Variants in BNC2 observed in about 807,000 individuals in gnomAD.
The protein encoded by BNC2 is zinc finger protein basonuclin-2.
A neutral mutation model predicts 76.3 loss-of-function variants in BNC2; 20 were observed. The observed-to-expected ratio is 0.26, with a 90% CI of 0.18 to 0.38. The LOEUF is 0.38. BNC2 is among the 10% of genes least tolerant of loss of function. The pLI is 1.00. For missense variants in BNC2, 1,382 were observed against 1,399.8 expected, an observed-to-expected ratio of 0.99 and a Z score of 0.20; for synonymous variants, 582 against 514.8, an observed-to-expected ratio of 1.13 and a Z score of -1.77.
intron 3 of BNC2, among the ~76,000 whole-genome samples, chr9:16,700,483 C>T (rs964379155): frequency 2.6e-5 from 4 of 152,116 alleles, no homozygotes; most frequent in Non-Finnish European, 4.4e-5. Flanking sequence ...TGCACTCCAT[C>T]CCAAGCAACA....
intron 1 of BNC2, among the ~76,000 whole-genome samples, chr9:16,781,566 C>T (rs1175657100): frequency 6.6e-6 from 1 of 152,180 alleles, no homozygotes; most frequent in African/African-American, 2.4e-5. Flanking sequence ...TGGTCGCGAA[C>T]TCCTAAGCTC....
rs760018058 is a variant in BNC2, at chr9:16,713,063, C to T, written c.330+14734G>A. Reference sequence around the variant, plus strand: ...GTAAGATCAGGCTGAGCAGGCCCATCGTCCTCCCCATGGAGCATTCCATGG... The same window carrying T: ...GTAAGATCAGGCTGAGCAGGCCCATTGTCCTCCCCATGGAGCATTCCATGG... On this transcript the variant is annotated intron_variant, in intron 3 of 6. Coordinates refer to ENST00000380672, the MANE Select transcript of BNC2 (RefSeq NM_017637.6). Among the ~76,000 whole-genome samples the T allele has an allele frequency of 4.6e-5, 7 of 152,200 alleles. No homozygotes were observed. In the South Asian group the frequency reaches 6.2e-4, roughly 14 times the overall value.
At chr9:16,774,190 C>G (rs1825902862) in intron 1 of BNC2, among the ~76,000 whole-genome samples, 1 of 152,144 alleles carries the variant, frequency 6.6e-6, no homozygotes, top group Admixed American at 6.5e-5. Context: ...CCATATTGGC[C>G]AGGCTGGTCT....
At chr9:16,640,427 T>TA (rs1433905532) in intron 3 of BNC2, among the ~76,000 whole-genome samples, 4 of 152,198 alleles carry the variant, frequency 2.6e-5, no homozygotes, top group Non-Finnish European at 5.9e-5. Flanking sequence ...ACATGAGGGA[T>TA]AAAATCCTTT....
intron 1 of BNC2, among the ~76,000 whole-genome samples, chr9:16,768,488 T>G (rs1825752874): frequency 6.6e-6 from 1 of 151,514 alleles, no homozygotes; most frequent in African/African-American, 2.4e-5. Context: ...AAATGCAGAG[T>G]TGGGGAGATG....
At chr9:16,803,551 T>C (rs1462276247) in intron 1 of BNC2, among the ~76,000 whole-genome samples, 2 of 152,154 alleles carry the variant, frequency 1.3e-5, no homozygotes, top group East Asian at 3.9e-4. Context: ...GAATTTGCAA[T>C]GAAGGGAAGG....
chr9:16,604,913 G>A (rs1198233153), intron 3 of BNC2, among the ~76,000 whole-genome samples: 1 of 152,084 alleles, frequency 6.6e-6, no homozygotes, highest in East Asian at 1.9e-4. Context: ...AATACTTGTG[G>A]GTGTCAGTCT....
intron 4 of BNC2, among the ~76,000 whole-genome samples, chr9:16,577,158 A>G (rs1452057848): frequency 6.6e-6 from 1 of 152,200 alleles, no homozygotes; most frequent in Non-Finnish European, 1.5e-5. Flanking sequence ...ATAAACATAA[A>G]GGACTCTCAC....
At chr9:16,498,296 C>T (rs1206202352) in intron 5 of BNC2, among the ~76,000 whole-genome samples, 1 of 102,186 alleles carries the variant, frequency 9.8e-6, no homozygotes, top group South Asian at 3.6e-4. Context: ...TATATTCCAT[C>T]ATATATATAT....
intron 1 of BNC2, among the ~76,000 whole-genome samples, chr9:16,814,031 T>C (rs930762897): frequency 3.3e-5 from 5 of 152,194 alleles, no homozygotes; most frequent in African/African-American, 4.8e-5. Flanking sequence ...GTCCTGATTA[T>C]GCAATATATG....
chr9:16,425,422 G>A (rs898133879), intron 6 of BNC2, among the ~76,000 whole-genome samples: 7 of 152,226 alleles, frequency 4.6e-5, no homozygotes, highest in Admixed American at 2.0e-4. Context: ...TCCCCGTATG[G>A]CCCCTAATGT....
At chr9:16,799,368 G>A (rs536029655) in intron 1 of BNC2, among the ~76,000 whole-genome samples, 1 of 151,944 alleles carries the variant, frequency 6.6e-6, no homozygotes, top group African/African-American at 2.4e-5. Context: ...AAACTGGAGT[G>A]CAGTGGCAGG....
chr9:16,512,102 C>T (rs1330643489), intron 5 of BNC2, among the ~76,000 whole-genome samples: 1 of 152,156 alleles, frequency 6.6e-6, no homozygotes, highest in Non-Finnish European at 1.5e-5. Flanking sequence ...TGAATACACA[C>T]AAACATAATT....
At chr9:16,699,891 G>A (rs1823456251) in intron 3 of BNC2, among the ~76,000 whole-genome samples, 1 of 152,102 alleles carries the variant, frequency 6.6e-6, no homozygotes, top group African/African-American at 2.4e-5. Flanking sequence ...AAATTTATCT[G>A]GTGAGAAAAC....
intron 5 of BNC2, among the ~76,000 whole-genome samples, chr9:16,439,591 G>A (rs1821085528): frequency 6.6e-6 from 1 of 152,202 alleles, no homozygotes; most frequent in Admixed American, 6.5e-5. Flanking sequence ...TAAGGGATCT[G>A]TACTGCTTTT....
chr9:16,869,410 CTT>C (rs1173355127), intron 1 of BNC2, among the ~76,000 whole-genome samples: 3 of 130,468 alleles, frequency 2.3e-5, no homozygotes, highest in Admixed American at 8.6e-5. Flanking sequence ...TGGGCTCTTG[CTT>C]TTGTGTGTGT....
chr9:16,859,947 C>T (rs1819356344), intron 1 of BNC2, among the ~76,000 whole-genome samples: 1 of 152,032 alleles, frequency 6.6e-6, no homozygotes, highest in South Asian at 2.1e-4. Context: ...TGGTGAAACC[C>T]CATCTCTACT....
chr9:16,795,722 C>T (rs1356529503), intron 1 of BNC2, among the ~76,000 whole-genome samples: 1 of 151,994 alleles, frequency 6.6e-6, no homozygotes, highest in African/African-American at 2.4e-5. Context: ...AGTTTGGTTC[C>T]CAAGGGTGTG....
rs1359284527 is a variant in BNC2 at position 16,436,288 on chromosome 9, A to T, written c.1906T>A (p.Ser636Thr). ...DLAPKKKPRKSSMPVKIEKEI... is the reference protein window; with the variant it reads ...DLAPKKKPRKTSMPVKIEKEI... ...TTCTCAATCTTCACAGGCATGCTTG[A>T]CTTCCTGGGCTTTTTCTTGGGTGCC... Residue 636 changes from serine to threonine, a missense_variant, in exon 6 of 7, where the codon TCA (serine) becomes ACA (threonine). By Grantham distance (58) the Ser-to-Thr change is moderately conservative (BLOSUM62 1). Coordinates refer to ENST00000380672, the MANE Select transcript of BNC2 (RefSeq NM_017637.6). The T allele has an allele frequency of 6.2e-7, 1 of 1,614,018 alleles. No individual in the cohort carries two copies.
Sources: allele counts gnomAD v4.1 joint callset (sites outside exome capture counted in the v4.1 genomes callset), GRCh38; gene constraint gnomAD v4.1.1; transcripts MANE v1.5; gene names NCBI Gene and HGNC (gene_info 2026-07-23, HGNC 2026-07-21).